Variants in CTSO observed in about 807,000 individuals in gnomAD.
The protein encoded by CTSO is cathepsin O.
A neutral mutation model predicts 42.4 loss-of-function variants in CTSO; 40 were observed. The ratio of observed to expected loss-of-function variants is 0.94; its 90% confidence interval spans 0.73 to 1.23. The LOEUF is 1.23. Among genes scored for constraint, CTSO ranks in the 50% most tolerant of loss-of-function variants. The pLI, the probability that CTSO is intolerant of heterozygous loss-of-function variation, is 0.00. For synonymous variants in CTSO, 156 were observed against 146.2 expected (o/e 1.07, Z -0.48); for missense variants, 441 against 396.0 (o/e 1.11, Z -0.96).
intron 6 of CTSO, among the ~76,000 whole-genome samples, chr4:155,928,944 G>T (rs1743181915): frequency 6.6e-6 from 1 of 152,166 alleles, no homozygotes; most frequent in Non-Finnish European, 1.5e-5. Flanking sequence ...CAAAATCTCT[G>T]CAGCACTGTG....
At chr4:155,941,460 A>G (rs922075688) in intron 3 of CTSO, among the ~76,000 whole-genome samples, 2 of 152,220 alleles carry the variant, frequency 1.3e-5, no homozygotes, top group Non-Finnish European at 2.9e-5. Flanking sequence ...CCACTTCAGA[A>G]TAACTCACAA....
chr4:155,925,811 G>C lies in CTSO; in HGVS notation c.*225C>G. 2.0e-6 allele frequency: 1 copy of C among 497,700 alleles called. No individual in the cohort carries two copies. The highest frequency in any genetic ancestry group is 3.5e-6 in the Non-Finnish European group (1 of 287,492). 30.8% of individuals were successfully genotyped at this position (497,700 alleles called of 1,614,324 possible). A position where few individuals can be genotyped will look rare whatever the true frequency, so the allele number is the denominator to read the frequency against. On this transcript the variant is annotated 3_prime_UTR_variant, in exon 8 of 8. Transcript: ENST00000433477. Reference sequence around the variant, plus strand: ...TCTCAGGACAGGAAACTATTCCATAGGCTTCCTCGCAGGCTTCTGTGCTGG... The same window carrying C: ...TCTCAGGACAGGAAACTATTCCATACGCTTCCTCGCAGGCTTCTGTGCTGG...
At chr4:155,941,180 C>T (rs2110924738) in intron 3 of CTSO, among the ~76,000 whole-genome samples, 1 of 152,298 alleles carries the variant, frequency 6.6e-6, no homozygotes, top group Non-Finnish European at 1.5e-5. Flanking sequence ...AAACACTTTC[C>T]ATAAAAGGGA....
Position 155,925,253 on chromosome 4 carries a change from A to G in CTSO, c.*783T>C, listed in dbSNP as rs1405685430. 1 of 152,226 alleles carries G rather than the reference A, an allele frequency of 6.6e-6. No individual in the cohort carries two copies. Among genetic ancestry groups the G allele is most frequent in the African/African-American group, 2.4e-5 (1 of 41,460 alleles). The allele number at this position is 152,226 out of a possible 1,614,324, so 9.4% of individuals were successfully genotyped here. A position where few individuals can be genotyped will look rare whatever the true frequency, so the allele number is the denominator to read the frequency against. On this transcript the variant is annotated 3_prime_UTR_variant, in exon 8 of 8. Coordinates refer to ENST00000433477, the MANE Select transcript of CTSO (RefSeq NM_001334.3). ...TGAGATAATATTTTGGTATTTTGAT[A>G]TACTAGAGAACAAAATATTATTCTA...
intron 2 of CTSO, among the ~76,000 whole-genome samples, chr4:155,942,774 T>A (rs903243045): frequency 6.6e-6 from 1 of 152,028 alleles, no homozygotes; most frequent in Non-Finnish European, 1.5e-5. Context: ...AGTTGACACA[T>A]AAAATGATTT....
intron 6 of CTSO, among the ~76,000 whole-genome samples, chr4:155,928,635 A>AT (rs2110903393): frequency 6.6e-6 from 1 of 152,350 alleles, no homozygotes; most frequent in Admixed American, 6.5e-5. Context: ...CAGTAGAAAT[A>AT]TATGTTTGAA....
At chr4:155,928,660 T>A (rs964481757) in intron 6 of CTSO, among the ~76,000 whole-genome samples, 1 of 152,172 alleles carries the variant, frequency 6.6e-6, no homozygotes, top group South Asian at 2.1e-4. Flanking sequence ...CTTCCCTTTA[T>A]ACAGGGACTG....
chr4:155,931,034 A>G (rs1455974313), intron 5 of CTSO, among the ~76,000 whole-genome samples: 1 of 152,178 alleles, frequency 6.6e-6, no homozygotes, highest in East Asian at 1.9e-4. Flanking sequence ...TGCAGAATCA[A>G]TACAAGGATA....
intron 5 of CTSO, 94 bp downstream of exon 5, chr4:155,937,268 G>T (rs1022045600): frequency 1.6e-5 from 14 of 891,110 alleles, no homozygotes; most frequent in Admixed American, 6.6e-5. Flanking sequence ...AGGATTAAGA[G>T]TATGCAGTGA....
chr4:155,938,776 C>CA (rs1030198412), intron 4 of CTSO, among the ~76,000 whole-genome samples: 1 of 149,220 alleles, frequency 6.7e-6, no homozygotes, highest in African/African-American at 2.6e-5. Context: ...AAAACAAAAA[C>CA]AAAAAACAAA....
intron 5 of CTSO, 70 bp from the exon 6 acceptor site, chr4:155,929,775 T>C (rs1003448539): frequency 1.2e-5 from 17 of 1,433,922 alleles, no homozygotes; most frequent in Non-Finnish European, 1.6e-5. Flanking sequence ...ATCTATATAA[T>C]CTGTGTATGA....
chr4:155,952,528 A>T (rs2110942465), intron 1 of CTSO, among the ~76,000 whole-genome samples: 1 of 152,358 alleles, frequency 6.6e-6, no homozygotes, highest in East Asian at 1.9e-4. Context: ...AACGAACGTA[A>T]GTTGAGGATA....
Position 155,943,272 on chromosome 4 carries a change from A to G in CTSO, c.136-8T>C, listed in dbSNP as rs889553945. 6.6e-7 allele frequency: 1 copy of G among 1,517,678 alleles called. No individual in the cohort carries two copies. The highest frequency in any genetic ancestry group is 9.1e-7 in the Non-Finnish European group (1 of 1,096,694). 94.0% of individuals were successfully genotyped at this position (1,517,678 alleles called of 1,614,324 possible). A position where few individuals can be genotyped will look rare whatever the true frequency, so the allele number is the denominator to read the frequency against. ...ATGTCTATTAAGACTTTCCTAGAAG[A>G]AAAACAAAAACTATTTCATATCCAC... On this transcript the variant is annotated splice_polypyrimidine_tract_variant and splice_region_variant and intron_variant, in intron 1 of 7. Coordinates refer to ENST00000433477, the MANE Select transcript of CTSO (RefSeq NM_001334.3).
Position 155,943,151 on chromosome 4 carries a change from TATA to T in CTSO, c.244+2_244+4del. 1 of 1,566,494 alleles carries T rather than the reference TATA, an allele frequency of 6.4e-7. No homozygotes were observed. The highest frequency in any genetic ancestry group is 8.8e-7 in the Non-Finnish European group (1 of 1,142,148). On this transcript the variant is annotated splice_donor_variant and splice_donor_region_variant and intron_variant, in intron 2 of 7. Transcript: ENST00000433477. LOFTEE classifies it high-confidence loss of function. ...AACCACCTAAATAGCAACATCGGAC[TATA>T]CCTTTAAACTCTTCAGGAAACAAAT... is the stretch of plus-strand genomic sequence containing the variant.
intron 5 of CTSO, among the ~76,000 whole-genome samples, chr4:155,931,820 A>G (rs1743239539): frequency 6.6e-6 from 1 of 150,696 alleles, no homozygotes; most frequent in South Asian, 2.1e-4. Context: ...ATTATTATTA[A>G]TCATTGATTA....
At chr4:155,946,516 G>A (rs1743549807) in intron 1 of CTSO, among the ~76,000 whole-genome samples, 1 of 152,076 alleles carries the variant, frequency 6.6e-6, no homozygotes, top group Admixed American at 6.6e-5. Context: ...GTTACCACTT[G>A]ATACACTGTT....
chr4:155,940,371 G>A (rs1284336802), intron 3 of CTSO, among the ~76,000 whole-genome samples: 1 of 150,720 alleles, frequency 6.6e-6, no homozygotes, highest in Non-Finnish European at 1.5e-5. Context: ...CATAACTGGA[G>A]GGCCATGTGT....
In CTSO at chr4:155,932,968, C is replaced by T. The variant is rs183303025; in HGVS notation, c.675-3263G>A. ...GACTCTCTTCTCTCTTATCTCCTCT[C>T]CAATAAAAAACTGTGTAGGGCTTTA... On this transcript the variant is annotated intron_variant, in intron 5 of 7. Transcript: ENST00000433477. Among the ~76,000 whole-genome samples the T allele has an allele frequency of 3.9e-5, 6 of 152,260 alleles. No homozygotes were observed. The East Asian group carries it at 1.2e-3, about 29-fold the overall frequency.
At chr4:155,935,704 T>C (rs1743318238) in intron 5 of CTSO, among the ~76,000 whole-genome samples, 1 of 152,198 alleles carries the variant, frequency 6.6e-6, no homozygotes, top group Non-Finnish European at 1.5e-5. Flanking sequence ...CTGTCTCAAT[T>C]ACTAATGAGG....
Sources: gnomAD v4.1 joint callset for allele counts (sites outside exome capture counted in the v4.1 genomes callset) on GRCh38, gnomAD v4.1.1 for gene constraint, MANE v1.5 for transcripts, NCBI Gene and HGNC (gene_info 2026-07-23, HGNC 2026-07-21) for gene names.